Variants in NFIA observed in about 807,000 individuals in gnomAD.
NFIA encodes nuclear factor I A.
In NFIA, 8 loss-of-function variants were observed where a neutral mutation model predicts 62.8. That is an observed-to-expected ratio of 0.13 (90% CI 0.07 to 0.23). NFIA has a LOEUF of 0.23. Ranked by LOEUF, NFIA falls within the 10% of genes least tolerant of loss-of-function variation. NFIA has a pLI of 1.00. For missense variants in NFIA, 410 were observed against 642.1 expected (o/e 0.64, Z 3.91); for synonymous variants, 235 against 238.1 (o/e 0.99, Z 0.12).
At chr1:61,298,070 T>C (rs1186203634) in intron 3 of NFIA, among the ~76,000 whole-genome samples, 1 of 152,102 alleles carries the variant, frequency 6.6e-6, no homozygotes, top group Non-Finnish European at 1.5e-5. Context: ...TCATCTCGAA[T>C]TGTAATCCCC....
chr1:61,272,084 A>T (rs1273317734), intron 2 of NFIA, among the ~76,000 whole-genome samples: 1 of 152,126 alleles, frequency 6.6e-6, no homozygotes, highest in Non-Finnish European at 1.5e-5. Context: ...ATTCTCTGTA[A>T]ATGCTAATCA....
At chr1:61,217,646 G>A (rs950442630) in intron 2 of NFIA, among the ~76,000 whole-genome samples, 7 of 152,122 alleles carry the variant, frequency 4.6e-5, no homozygotes, top group African/African-American at 1.7e-4. Context: ...TGGAACTTTG[G>A]TAGGCACATG....
intron 2 of NFIA, among the ~76,000 whole-genome samples, chr1:61,129,226 T>A (rs1647031984): frequency 6.6e-6 from 1 of 151,336 alleles, no homozygotes; most frequent in African/African-American, 2.4e-5. Context: ...CCGGCCTACT[T>A]ATGTGTTTTA....
chr1:61,200,469 T>C (rs1422221983), intron 2 of NFIA, among the ~76,000 whole-genome samples: 1 of 152,174 alleles, frequency 6.6e-6, no homozygotes, highest in Non-Finnish European at 1.5e-5. Flanking sequence ...ATTCTGATAC[T>C]AAACACTGGC....
intron 2 of NFIA, among the ~76,000 whole-genome samples, chr1:61,258,565 C>T (rs1224629219): frequency 6.6e-6 from 1 of 152,080 alleles, no homozygotes; most frequent in Non-Finnish European, 1.5e-5. Context: ...TCTTTGCTGT[C>T]TGATGTATAT....
chr1:61,350,967 GATTCCACTTAAA>G (rs1380203046), intron 4 of NFIA, among the ~76,000 whole-genome samples: 2 of 152,160 alleles, frequency 1.3e-5, no homozygotes, highest in Non-Finnish European at 2.9e-5. Flanking sequence ...AATTTACAAT[GATTCCACTTAAA>G]ATTTTCAGCT....
At position 61,311,889 on chromosome 1, in the gene NFIA, C is replaced by A. The variant is rs1445049508; in HGVS notation, c.626-20623C>A. Among the ~76,000 whole-genome samples the A allele has an allele frequency of 1.3e-5, 2 of 152,174 alleles. 1 individual carries two copies. On this transcript the variant is annotated intron_variant, in intron 3 of 10. Transcript: ENST00000403491. Reference sequence around the variant, plus strand: ...AGTATTATAAAATAATCCACCCACCCTTTGGAGGCTTGAAGCACCTCCACC... The same window carrying A: ...AGTATTATAAAATAATCCACCCACCATTTGGAGGCTTGAAGCACCTCCACC...
At chr1:61,437,761 CAG>C (rs1667396263) in intron 10 of NFIA, among the ~76,000 whole-genome samples, 4 of 152,108 alleles carry the variant, frequency 2.6e-5, no homozygotes, top group African/African-American at 9.7e-5. Context: ...TTGAAGGAGA[CAG>C]ATATACTTGG....
intron 2 of NFIA, among the ~76,000 whole-genome samples, chr1:61,265,349 C>G (rs1051716243): frequency 2.6e-5 from 4 of 152,176 alleles, no homozygotes; most frequent in Non-Finnish European, 4.4e-5. Flanking sequence ...TGGTAGAATT[C>G]AAACAGAAGC....
chr1:61,445,148 A>G (rs536265858), intron 10 of NFIA, among the ~76,000 whole-genome samples: 1 of 152,192 alleles, frequency 6.6e-6, no homozygotes, highest in Non-Finnish European at 1.5e-5. Flanking sequence ...AATAAATTAA[A>G]TTGTCTGTGT....
At chr1:61,257,163 G>A (rs1204122863) in intron 2 of NFIA, among the ~76,000 whole-genome samples, 2 of 152,060 alleles carry the variant, frequency 1.3e-5, no homozygotes, top group South Asian at 2.1e-4. Flanking sequence ...TTTACCTCAG[G>A]TACCCAGAGA....
At chr1:61,300,707 G>GTA (rs77676683) in intron 3 of NFIA, among the ~76,000 whole-genome samples, 14,456 of 151,540 alleles carry the variant, frequency 0.095, 840 homozygotes, top group Non-Finnish European at 0.13. Context: ...CTATATATGT[G>GTA]TATATATATG....
chr1:61,172,915 T>C (rs1031444061), intron 2 of NFIA, among the ~76,000 whole-genome samples: 47 of 152,252 alleles, frequency 3.1e-4, no homozygotes, highest in Admixed American at 3.1e-3. Context: ...TAATCCTTTA[T>C]ATTTGTACAG....
intron 2 of NFIA, among the ~76,000 whole-genome samples, chr1:61,180,230 T>A (rs1650670680): frequency 6.6e-6 from 1 of 152,086 alleles, no homozygotes; most frequent in South Asian, 2.1e-4. Flanking sequence ...GAGGGAACAT[T>A]AAAAACCCCA....
At chr1:61,230,705 T>G (rs1206773906) in intron 2 of NFIA, among the ~76,000 whole-genome samples, 1 of 152,106 alleles carries the variant, frequency 6.6e-6, no homozygotes, top group African/African-American at 2.4e-5. Context: ...TAAAGTCCAC[T>G]CTCCTCACCC....
At chr1:61,176,875 C>T (rs573836537) in intron 2 of NFIA, among the ~76,000 whole-genome samples, 136 of 152,124 alleles carry the variant, frequency 8.9e-4, no homozygotes, top group Non-Finnish European at 1.6e-3. Context: ...GAGGCTGCGG[C>T]GGGCAGATCA....
chr1:61,189,958 G>A (rs560671112), intron 2 of NFIA, among the ~76,000 whole-genome samples: 3 of 152,220 alleles, frequency 2.0e-5, no homozygotes, highest in South Asian at 4.2e-4. Context: ...ATAATGTCAC[G>A]TATTGCTTGT....
chr1:61,210,326 T>C (rs1226109243), intron 2 of NFIA, among the ~76,000 whole-genome samples: 1 of 152,224 alleles, frequency 6.6e-6, no homozygotes, highest in African/African-American at 2.4e-5. Context: ...TGCTGTGTTA[T>C]GGTATTCCTG....
At position 61,310,289 on chromosome 1, in the gene NFIA, C is replaced by T. The variant is rs865904440; in HGVS notation, c.626-22223C>T. 2.0e-5 allele frequency among the ~76,000 whole-genome samples: 3 copies of T among 152,192 alleles called. No homozygotes were observed. In the East Asian group the frequency reaches 5.8e-4, roughly 29 times the overall value. ...GAAAAGACCACTGGAGATAAAGGGG[C>T]TCAACTCTCTTCCCAGTGAGAACTG... is the stretch of plus-strand genomic sequence containing the variant. On this transcript the variant is annotated intron_variant, in intron 3 of 10. Coordinates refer to ENST00000403491, the MANE Select transcript of NFIA (RefSeq NM_001134673.4).
Sources: allele counts gnomAD v4.1 joint callset (sites outside exome capture counted in the v4.1 genomes callset), GRCh38; gene constraint gnomAD v4.1.1; transcripts MANE v1.5; gene names NCBI Gene and HGNC (gene_info 2026-07-23, HGNC 2026-07-21).